CFAP92: variants seen among roughly 807,000 people sequenced by gnomAD.
The protein encoded by CFAP92 is uncharacterized protein CFAP92.
Under a neutral mutation model 106.3 loss-of-function variants are expected in CFAP92, and 86 were observed. The observed-to-expected ratio is 0.81, with a 90% confidence interval of 0.68 to 0.97. The LOEUF is 0.97. Ranked by LOEUF, CFAP92 falls within the 50% of genes least tolerant of loss-of-function variation. CFAP92 has a pLI of 0.00. For synonymous variants in CFAP92, 477 were observed against 506.4 expected (o/e 0.94, Z 0.78); for missense variants, 1,204 against 1,283.8 (o/e 0.94, Z 0.95).
the CFAP92 span, among the ~76,000 whole-genome samples, chr3:129,010,593 C>T: frequency 6.6e-6 from 1 of 152,070 alleles, no homozygotes; most frequent in Non-Finnish European, 1.5e-5. This position sits in a 1 kb window ranked among gnomAD's most constrained non-coding sequence, Gnocchi z 4.3. Context: ...CTGAGGGCTA[C>T]CTCCTTTCTT....
the CFAP92 span, among the ~76,000 whole-genome samples, chr3:129,016,600 C>T: frequency 1.1e-4 from 17 of 152,022 alleles, no homozygotes; most frequent in African/African-American, 3.9e-4. Flanking sequence ...TAGCCAGCCC[C>T]CGTGATCACA....
At chr3:129,004,002 TG>T (rs1944938263), upstream of CFAP92, 4 of 1,505,228 alleles carry the variant, frequency 2.7e-6, no homozygotes, top group Non-Finnish European at 3.5e-6. Context: ...GTGCGAGAGC[TG>T]GAGGCGCTGG....
intron 1 of CFAP92, chr3:129,002,002 C>T (rs543633304): frequency 6.5e-7 from 1 of 1,545,958 alleles, no homozygotes; most frequent in African/African-American, 1.4e-5. Context: ...GACTCAGATA[C>T]CGATGAAGAG....
At chr3:128,923,058 C>T (rs1389111771) in intron 12 of CFAP92, among the ~76,000 whole-genome samples, 1 of 152,226 alleles carries the variant, frequency 6.6e-6, no homozygotes, top group Non-Finnish European at 1.5e-5. Flanking sequence ...AAATGCTTCA[C>T]CAATGGTATG....
intron 10 of CFAP92, among the ~76,000 whole-genome samples, chr3:128,940,772 GTTC>G (rs1476334469): frequency 1.3e-5 from 2 of 151,754 alleles, no homozygotes; most frequent in Non-Finnish European, 2.9e-5. Flanking sequence ...AGTACAGCAA[GTTC>G]TTCTATCTTG....
intron 9 of CFAP92, among the ~76,000 whole-genome samples, chr3:128,951,983 C>CA (rs923811776): frequency 9.9e-5 from 15 of 152,130 alleles, no homozygotes; most frequent in African/African-American, 3.6e-4. Flanking sequence ...CCACAGGGTA[C>CA]AGTGGCCAAG....
chr3:128,935,043 A>G, intron 11 of CFAP92, 82 bp downstream of exon 11: 1 of 1,164,354 alleles, frequency 8.6e-7, no homozygotes, highest in African/African-American at 1.6e-5. Context: ...TGGATGCCCC[A>G]GCTTGCCTGT....
chr3:128,918,161 A>G (rs1335771684), intron 12 of CFAP92, among the ~76,000 whole-genome samples: 2 of 152,228 alleles, frequency 1.3e-5, no homozygotes, highest in Admixed American at 1.3e-4. Flanking sequence ...TAGGTTTTAC[A>G]TAAAACCCTC....
At chr3:129,026,363 A>T in the CFAP92 span, among the ~76,000 whole-genome samples, 1 of 151,962 alleles carries the variant, frequency 6.6e-6, no homozygotes, top group Admixed American at 6.5e-5. Context: ...TAGGGAATAG[A>T]AGAAGCAGCA....
At chr3:128,935,499 G>A (rs1301505720) in intron 10 of CFAP92, among the ~76,000 whole-genome samples, 180 bp from the exon 11 acceptor site, 1 of 152,100 alleles carries the variant, frequency 6.6e-6, no homozygotes, top group Non-Finnish European at 1.5e-5. Flanking sequence ...ATCACATGAG[G>A]TCGGGAGTTC....
At chr3:128,972,975 G>A (rs1158381498) in intron 7 of CFAP92, among the ~76,000 whole-genome samples, 3 of 152,092 alleles carry the variant, frequency 2.0e-5, no homozygotes, top group Admixed American at 6.5e-5. Flanking sequence ...CTACAGGCGT[G>A]CACCAGCATA....
At chr3:129,001,846 G>A (rs1462615199) in intron 1 of CFAP92, 5 of 1,545,666 alleles carry the variant, frequency 3.2e-6, no homozygotes, top group South Asian at 2.4e-5. Flanking sequence ...GGCGCCGGCC[G>A]TCTGCCCCGC....
intron 9 of CFAP92, among the ~76,000 whole-genome samples, chr3:128,953,468 T>C (rs1401268172): frequency 1.3e-5 from 2 of 151,910 alleles, no homozygotes; most frequent in African/African-American, 2.4e-5. Context: ...TGAGCCAAGA[T>C]CACGCCACTG....
the CFAP92 span, among the ~76,000 whole-genome samples, chr3:129,017,883 A>T: frequency 6.6e-6 from 1 of 152,316 alleles, no homozygotes; most frequent in South Asian, 2.1e-4. Flanking sequence ...TGAGGCAGAC[A>T]TTTCACTGGA....
chr3:128,969,958 T>C (rs2107777400), intron 8 of CFAP92: 1 of 152,288 alleles, frequency 6.6e-6, no homozygotes, highest in South Asian at 2.1e-4. Flanking sequence ...CAAAAAGTCA[T>C]TTAAAACTGC....
chr3:129,004,125 C>G, upstream of CFAP92: 1 of 1,421,216 alleles, frequency 7.0e-7, no homozygotes, highest in Non-Finnish European at 9.2e-7. Context: ...ATTCGGCTCC[C>G]ATTTTCCCAA....
chr3:128,910,917 A>T, intron 15 of CFAP92: 1 of 1,365,572 alleles, frequency 7.3e-7, no homozygotes, highest in East Asian at 2.3e-5. Context: ...CCTGCTAGCT[A>T]CTCACAGACC....
intron 10 of CFAP92, among the ~76,000 whole-genome samples, chr3:128,937,536 C>T (rs1939169805): frequency 6.6e-6 from 1 of 151,160 alleles, no homozygotes; most frequent in African/African-American, 2.4e-5. Context: ...GGAGGCGGAG[C>T]TTGCGGTGGG....
At chr3:128,962,238 C>G (rs1941987654) in intron 9 of CFAP92, among the ~76,000 whole-genome samples, 1 of 152,160 alleles carries the variant, frequency 6.6e-6, no homozygotes, top group Non-Finnish European at 1.5e-5. Flanking sequence ...CGGTAACTCT[C>G]ACAGCGGAAG....
Sources: gnomAD v4.1 joint callset for allele counts (sites outside exome capture counted in the v4.1 genomes callset) on GRCh38, gnomAD v4.1.1 for gene constraint, Gnocchi (gnomAD v3.1) non-coding constraint, MANE v1.5 for transcripts, NCBI Gene and HGNC (gene_info 2026-07-23, HGNC 2026-07-21) for gene names.